The following TGFB1 variants were observed in gnomAD, a reference collection of about 807,000 sequenced individuals.
TGFB1 encodes transforming growth factor beta 1.
TGFB1 carries 19 observed loss-of-function variants against 43.8 expected under a neutral mutation model. The ratio of observed to expected loss-of-function variants is 0.43; its 90% CI spans 0.30 to 0.64. The LOEUF (loss-of-function observed/expected upper bound fraction) is 0.64, where lower values mean the gene tolerates loss of function less well. Ranked by LOEUF, TGFB1 falls within the 30% of genes least tolerant of loss-of-function variation. TGFB1 has a pLI of 0.11. For missense variants in TGFB1, 445 were observed against 529.8 expected (o/e 0.84, Z 1.57); for synonymous variants, 221 against 236.3 (o/e 0.94, Z 0.60).
chr19:41,339,951 A>G (rs1043560076), intron 5 of TGFB1, among the ~76,000 whole-genome samples: 38 of 152,204 alleles, frequency 2.5e-4, no homozygotes, highest in Non-Finnish European at 5.4e-4. Context: ...GCCCAGAGAC[A>G]GGACCAAAAT....
chr19:41,348,557 G>C (rs1019228077), intron 1 of TGFB1, 102 bp from the exon 2 acceptor site: 2 of 1,005,738 alleles, frequency 2.0e-6, no homozygotes, highest in Admixed American at 3.5e-5. Context: ...CTCTGGGGTG[G>C]AGTCAGTCTC....
chr19:41,342,951 T>C (rs2038075305), intron 3 of TGFB1, among the ~76,000 whole-genome samples: 2 of 150,114 alleles, frequency 1.3e-5, no homozygotes, highest in African/African-American at 4.9e-5. Context: ...CCAGCCAGCA[T>C]CAATCTCTTG....
At chr19:41,342,085 G>A in intron 4 of TGFB1, 55 bp from the exon 5 acceptor site, 1 of 1,613,550 alleles carries the variant, frequency 6.2e-7, no homozygotes, top group Non-Finnish European at 8.5e-7. Context: ...CTCTCAGAGG[G>A]ATAGATAAGT....
intron 5 of TGFB1, among the ~76,000 whole-genome samples, chr19:41,339,535 C>T (rs1249740495): frequency 6.6e-6 from 1 of 151,110 alleles, no homozygotes; most frequent in African/African-American, 2.4e-5. Context: ...CTCAAGACCT[C>T]AATTTGTGGC....
intron 5 of TGFB1, among the ~76,000 whole-genome samples, 186 bp from the exon 6 acceptor site, chr19:41,332,467 A>C (rs368772203): frequency 4.0e-4 from 61 of 152,340 alleles, no homozygotes; most frequent in African/African-American, 1.5e-3. Flanking sequence ...ACACAGATTA[A>C]GCACTTCCTC....
chr19:41,347,459 T>TA (rs956466661), intron 2 of TGFB1, among the ~76,000 whole-genome samples: 2 of 152,130 alleles, frequency 1.3e-5, no homozygotes, highest in Non-Finnish European at 2.9e-5. Context: ...CCTGTGTCCT[T>TA]AAAGAGTCCA....
At chr19:41,349,035 T>C (rs1180225304) in intron 1 of TGFB1, among the ~76,000 whole-genome samples, 3 of 152,146 alleles carry the variant, frequency 2.0e-5, no homozygotes, top group African/African-American at 7.2e-5. Context: ...TGTAGCATCA[T>C]CTCTCAAGTC....
chr19:41,345,475 C>T (rs999660452), intron 2 of TGFB1, among the ~76,000 whole-genome samples: 35 of 151,800 alleles, frequency 2.3e-4, no homozygotes, highest in African/African-American at 8.2e-4. Flanking sequence ...CCAGCCTGGG[C>T]GACAGGACGA....
chr19:41,351,775 C>T (rs1435941550), intron 1 of TGFB1, among the ~76,000 whole-genome samples: 2 of 138,642 alleles, frequency 1.4e-5, no homozygotes. Context: ...GGACTCCGCT[C>T]AGCCCATTCC....
Position 41,341,995 on chromosome 19 carries a change from T to C in TGFB1, c.748A>G (p.Ile250Val), listed in dbSNP as rs778626011. The C allele has an allele frequency of 1.2e-6, 2 of 1,614,190 alleles. No individual in the cohort carries two copies. The highest frequency in any genetic ancestry group is 2.2e-5 in the East Asian group (1 of 44,888). ...AGGAAAGGCCGGTTCATGCCATGAA[T>C]GGTGGCCAGGTCACCTCGGCGGCCG... ...TTGRRGDLAT[I>V]HGMNRPFLLL... is the part of the protein sequence containing the mutation. Residue 250 changes from isoleucine (I) to valine (V), a missense_variant, in exon 5 of 7, where the codon ATT becomes GTT. Coordinates refer to ENST00000221930, the MANE Select transcript of TGFB1 (RefSeq NM_000660.7).
rs571098675 is a variant in TGFB1 at position 41,331,347 on chromosome 19, A to G, written c.1015-137T>C. 1.3e-4 allele frequency: 135 copies of G among 1,052,402 alleles called. No individual in the cohort carries two copies. The South Asian group carries it at 1.6e-3, about 13-fold the overall frequency. 65.2% of individuals were successfully genotyped at this position (1,052,402 alleles called of 1,614,324 possible). On this transcript the variant is annotated intron_variant, in intron 6 of 6. Transcript: ENST00000221930. ...CCCGCATCCCCTCTTCCCATCTCCA[A>G]TTCGGTCTCTCTTATCTTCTAACAT...
chr19:41,347,082 G>C (rs1369731709), intron 2 of TGFB1, among the ~76,000 whole-genome samples: 6 of 152,168 alleles, frequency 3.9e-5, no homozygotes, highest in Non-Finnish European at 8.8e-5. Flanking sequence ...GAATGCAGTG[G>C]TGCAATCACA....
chr19:41,344,667 C>A (rs2038095392), intron 3 of TGFB1, 80 bp downstream of exon 3: 1 of 1,362,616 alleles, frequency 7.3e-7, no homozygotes, highest in African/African-American at 1.4e-5. Context: ...GGAGAGGGGT[C>A]CTAGGCAAAG....
chr19:41,333,209 A>ATTT lies in TGFB1; in HGVS notation c.861-931_861-929dup, dbSNP rs1161079448. 1.8e-3 allele frequency among the ~76,000 whole-genome samples: 153 copies of ATTT among 86,388 alleles called. 1 individual carries two copies. The highest frequency in any genetic ancestry group is 7.9e-3 in the Middle Eastern group (1 of 126). 56.7% of individuals were successfully genotyped at this position (86,388 alleles called of 152,430 possible). A position where few individuals can be genotyped will look rare whatever the true frequency, so the allele number is the denominator to read the frequency against. On this transcript the variant is annotated intron_variant, in intron 5 of 6. Coordinates refer to ENST00000221930, the MANE Select transcript of TGFB1 (RefSeq NM_000660.7). Reference sequence around the variant, plus strand: ...CACTTCATTTCTTCTTTTTTTTTCTATTTTTTTTTTTTTTTTTTTTTGAGA... The same window carrying ATTT: ...CACTTCATTTCTTCTTTTTTTTTCTATTTTTTTTTTTTTTTTTTTTTTTTGAGA...
intron 1 of TGFB1, among the ~76,000 whole-genome samples, chr19:41,351,823 G>C (rs993051130): frequency 3.1e-5 from 2 of 65,328 alleles, no homozygotes; most frequent in African/African-American, 1.4e-4. Context: ...GATGGCGCTG[G>C]GTATCTCTCC....
chr19:41,345,569 A>G (rs1288746808), intron 2 of TGFB1, among the ~76,000 whole-genome samples: 1 of 152,088 alleles, frequency 6.6e-6, no homozygotes, highest in Non-Finnish European at 1.5e-5. Flanking sequence ...CGGTTCTGCA[A>G]ATTTGACACC....
intron 1 of TGFB1, among the ~76,000 whole-genome samples, chr19:41,350,519 G>A (rs982354696): frequency 6.6e-6 from 1 of 152,046 alleles, no homozygotes. Context: ...TGTTGGCCAG[G>A]CTGGTCTCCA....
At chr19:41,350,684 C>T (rs1199143587) in intron 1 of TGFB1, among the ~76,000 whole-genome samples, 1 of 152,182 alleles carries the variant, frequency 6.6e-6, no homozygotes, top group South Asian at 2.1e-4. Context: ...TCAACTGGGG[C>T]AACTGCTTCC....
intron 1 of TGFB1, among the ~76,000 whole-genome samples, chr19:41,351,482 C>T (rs1240062102): frequency 3.9e-5 from 6 of 152,134 alleles, no homozygotes. Flanking sequence ...CCCCGGGCTC[C>T]GCGAGCGATC....
Sources: allele counts gnomAD v4.1 joint callset (sites outside exome capture counted in the v4.1 genomes callset), GRCh38; gene constraint gnomAD v4.1.1; transcripts MANE v1.5; gene names NCBI Gene and HGNC (gene_info 2026-07-23, HGNC 2026-07-21).